Variants in ZFHX4 observed in about 807,000 individuals in gnomAD.
ZFHX4 encodes zinc finger homeobox 4.
Under a neutral mutation model 267.6 loss-of-function variants are expected in ZFHX4, and 56 were observed. That is an observed-to-expected ratio of 0.21 (90% CI 0.17 to 0.26). The LOEUF (loss-of-function observed/expected upper bound fraction) is 0.26. Ranked by LOEUF, ZFHX4 falls within the 10% of genes least tolerant of loss-of-function variation. ZFHX4 has a pLI of 1.00. For missense variants in ZFHX4, 4,332 were observed against 4,420.0 expected (o/e 0.98, Z 0.56); for synonymous variants, 1,778 against 1,665.6 (o/e 1.07, Z -1.64).
In ZFHX4 at chr8:76,841,870, G is replaced by C. The variant is rs560527296; in HGVS notation, c.3395-785G>C. On this transcript the variant is annotated intron_variant, in intron 5 of 10. Coordinates refer to ENST00000651372, the MANE Select transcript of ZFHX4 (RefSeq NM_024721.5). ...AGAGACAAATGATCGCAGGATGAAA[G>C]AGAACAGTGGGCCTTTCACGGATTA... Among the ~76,000 whole-genome samples, 50 of 152,308 alleles carry C rather than the reference G, an allele frequency of 3.3e-4. No individual in the cohort carries two copies. The South Asian group carries it at 0.01, about 32-fold the overall frequency.
chr8:76,706,704 T>C (rs1268169305), intron 2 of ZFHX4, 26 bp downstream of exon 2: 2 of 1,509,326 alleles, frequency 1.3e-6, no homozygotes. Context: ...TTTTCTGCAC[T>C]GTTGTTAGTT....
At chr8:76,848,257 G>T (rs1276559823) in intron 6 of ZFHX4, among the ~76,000 whole-genome samples, 1 of 152,178 alleles carries the variant, frequency 6.6e-6, no homozygotes, top group African/African-American at 2.4e-5. Context: ...TTTTCTGTTA[G>T]ATTGGGAAAT....
At chr8:76,733,278 T>C (rs527930887) in intron 3 of ZFHX4, 1 of 152,292 alleles carries the variant, frequency 6.6e-6, no homozygotes, top group East Asian at 1.9e-4. Context: ...TTTTTTGGTT[T>C]TTCTGTTTCG....
chr8:76,764,604 A>G (rs1810004759), intron 3 of ZFHX4, among the ~76,000 whole-genome samples: 1 of 152,130 alleles, frequency 6.6e-6, no homozygotes, highest in Admixed American at 6.6e-5. Flanking sequence ...TTATTTTCAG[A>G]TTTATTTTAT....
intron 6 of ZFHX4, 62 bp from the exon 7 acceptor site, chr8:76,848,933 A>G (rs568135534): frequency 8.5e-5 from 120 of 1,413,852 alleles, no homozygotes; most frequent in Middle Eastern, 1.8e-4. Flanking sequence ...TGAAAAACAT[A>G]ATTTTTCTCA....
intron 3 of ZFHX4, among the ~76,000 whole-genome samples, chr8:76,734,229 A>G (rs982572398): frequency 1.3e-5 from 2 of 152,196 alleles, no homozygotes; most frequent in African/African-American, 4.8e-5. Flanking sequence ...TTAAAATGTT[A>G]TGGACATGAG....
At position 76,851,157 on chromosome 8, in the gene ZFHX4, T is replaced by G. The variant is rs1270911984; in HGVS notation, c.4236T>G (p.Leu1412=). ...TGGCTTTCAAAACTATGCAGAAGCT[T>G]CAGATACATTCCCAGTATCATGCAA... The part of the protein sequence containing the change: ...CSLAFKTMQK[L]QIHSQYHAIR... Residue 1412 remains leucine (L), a synonymous_variant, in exon 10 of 11, where the codon CTT becomes CTG. Coordinates refer to ENST00000651372, the MANE Select transcript of ZFHX4 (RefSeq NM_024721.5). The G allele has an allele frequency of 1.2e-6, 2 of 1,613,936 alleles. No individual in the cohort carries two copies. The highest frequency in any genetic ancestry group is 3.3e-5 in the Admixed American group (2 of 60,032).
At chr8:76,828,408 T>G (rs1273415121) in intron 4 of ZFHX4, among the ~76,000 whole-genome samples, 1 of 152,234 alleles carries the variant, frequency 6.6e-6, no homozygotes, top group Non-Finnish European at 1.5e-5. Context: ...TCACTTCTGC[T>G]GCCCTGTGCC....
intron 4 of ZFHX4, among the ~76,000 whole-genome samples, chr8:76,802,897 G>A (rs913164336): frequency 6.6e-6 from 1 of 152,012 alleles, no homozygotes; most frequent in African/African-American, 2.4e-5. Flanking sequence ...CATTCACATT[G>A]GAATGTAAAT....
intron 3 of ZFHX4, among the ~76,000 whole-genome samples, chr8:76,738,189 C>T (rs1395531936): frequency 6.6e-6 from 1 of 152,044 alleles, no homozygotes; most frequent in African/African-American, 2.4e-5. Context: ...TAGGTAAAAG[C>T]CACATTCTCA....
chr8:76,838,743 C>T (rs1001615709), intron 5 of ZFHX4, among the ~76,000 whole-genome samples: 1 of 152,020 alleles, frequency 6.6e-6, no homozygotes, highest in Non-Finnish European at 1.5e-5. Flanking sequence ...GATCCCAAAC[C>T]CAATTGTATG....
intron 3 of ZFHX4, among the ~76,000 whole-genome samples, chr8:76,763,722 T>A (rs1809978154): frequency 6.6e-6 from 1 of 152,176 alleles, no homozygotes; most frequent in Admixed American, 6.6e-5. Context: ...ATATTACAGT[T>A]GATTGTTGAG....
chr8:76,856,199 G>A lies in ZFHX4; in HGVS notation c.9278G>A (p.Ser3093Asn), dbSNP rs1408756344. Residue 3093 changes from serine (S) to asparagine (N), a missense_variant, in exon 10 of 11, where the codon AGC becomes AAC. Ser to Asn is a conservative substitution (Grantham distance 46). Transcript: ENST00000651372. ...MMDSSSLHGI[S>N]LPTAYPGLPG... The stretch of plus-strand genomic sequence containing the variant: ...GACAGCAGTTCTCTCCACGGCATCA[G>A]CCTGCCAACAGCCTACCCCGGACTC... 1.2e-6 allele frequency: 2 copies of A among 1,613,974 alleles called. No individual in the cohort carries two copies. The highest frequency in any genetic ancestry group is 1.7e-6 in the Non-Finnish European group (2 of 1,179,864).
intron 6 of ZFHX4, 124 bp downstream of exon 6, chr8:76,842,895 G>T: frequency 1.6e-6 from 1 of 626,376 alleles, no homozygotes; most frequent in Non-Finnish European, 2.7e-6. Flanking sequence ...TAAACTGTCT[G>T]AACATTCCCA....
At position 76,854,469 on chromosome 8, in the gene ZFHX4, C is replaced by G. The variant is rs773127225; in HGVS notation, c.7548C>G (p.Phe2516Leu). 1.2e-5 allele frequency: 19 copies of G among 1,613,900 alleles called. No homozygotes were observed. The highest frequency in any genetic ancestry group is 1.6e-5 in the Non-Finnish European group (19 of 1,179,874). The part of the protein sequence containing the change: ...ELWQEHQHMH[F>L]LAAQNQFLHS... ...GGCAGGAACACCAGCACATGCACTTCCTTGCTGCTCAAAACCAATTCCTTC... is the reference window on the plus strand; with the variant it reads ...GGCAGGAACACCAGCACATGCACTTGCTTGCTGCTCAAAACCAATTCCTTC... Residue 2516 changes from phenylalanine (F) to leucine (L), a missense_variant, in exon 10 of 11, where the codon TTC becomes TTG. Physicochemically the swap from Phe to Leu is conservative, Grantham distance 22. This residue lies in a region of ZFHX4 where 1,648 missense variants were observed against 1,625.0 expected (regional missense o/e 1.01). Coordinates refer to ENST00000651372, the MANE Select transcript of ZFHX4 (RefSeq NM_024721.5).
intron 1 of ZFHX4, among the ~76,000 whole-genome samples, chr8:76,701,012 T>C (rs1469400954): frequency 1.3e-5 from 2 of 152,182 alleles, no homozygotes; most frequent in Non-Finnish European, 2.9e-5. Context: ...TAAAACTTTA[T>C]CGTAAATTTC....
At chr8:76,696,780 T>C (rs1807970047) in intron 1 of ZFHX4, among the ~76,000 whole-genome samples, 2 of 152,038 alleles carry the variant, frequency 1.3e-5, no homozygotes, top group South Asian at 4.1e-4. Context: ...TTATGTTCTC[T>C]ATTATGCTAG....
At chr8:76,787,161 G>A (rs1206162602) in intron 4 of ZFHX4, among the ~76,000 whole-genome samples, 1 of 152,122 alleles carries the variant, frequency 6.6e-6, no homozygotes, top group Non-Finnish European at 1.5e-5. Context: ...ACTGTCACAT[G>A]AGTCCCCAAC....
intron 4 of ZFHX4, among the ~76,000 whole-genome samples, chr8:76,808,184 CA>C (rs1032289828): frequency 6.6e-6 from 1 of 151,758 alleles, no homozygotes. Flanking sequence ...CAATAGAAGC[CA>C]AAAAAACTTT....
Sources: allele counts gnomAD v4.1 joint callset (sites outside exome capture counted in the v4.1 genomes callset), GRCh38; gene constraint gnomAD v4.1.1; regional missense constraint gnomAD v4.1.1; transcripts MANE v1.5; gene names NCBI Gene and HGNC (gene_info 2026-07-23, HGNC 2026-07-21).